TANC2: variants seen among roughly 807,000 people sequenced by gnomAD.
The protein encoded by TANC2 is tetratricopeptide repeat, ankyrin repeat and coiled-coil containing 2.
Under a neutral mutation model 210.5 loss-of-function variants are expected in TANC2, and 26 were observed. That is an observed-to-expected ratio of 0.12 (90% CI 0.09 to 0.17). TANC2 has a LOEUF of 0.17. TANC2 is among the 10% of genes least tolerant of loss of function. The pLI is 1.00. For synonymous variants in TANC2, 931 were observed against 967.1 expected, an observed-to-expected ratio of 0.96 and a Z score of 0.69; for missense variants, 2,129 against 2,608.9, an observed-to-expected ratio of 0.82 and a Z score of 4.01.
At position 63,013,535 on chromosome 17, in the gene TANC2, G is replaced by A. The variant is rs372136191; in HGVS notation, c.67+3909G>A. On this transcript the variant is annotated intron_variant, in intron 2 of 27. Coordinates refer to ENST00000689528, the Ensembl canonical transcript of TANC2. Reference sequence around the variant, plus strand: ...CTAGCACTTTGGGAGGCCGAGGCAGGCGGATCACTTGAGGCCAGAAGTTCA... The same window carrying A: ...CTAGCACTTTGGGAGGCCGAGGCAGACGGATCACTTGAGGCCAGAAGTTCA... Among the ~76,000 whole-genome samples the A allele has an allele frequency of 1.3e-4, 20 of 152,196 alleles. No individual in the cohort carries two copies. In the East Asian group the frequency reaches 3.7e-3, roughly 28 times the overall value.
rs576363413 is a variant in TANC2, at chr17:63,149,182, T to C, written c.323-2088T>C. 5 of 152,248 alleles carry C rather than the reference T, an allele frequency of 3.3e-5. No individual in the cohort carries two copies. The South Asian group carries it at 8.3e-4, about 25-fold the overall frequency. The allele number at this position is 152,248 out of a possible 1,614,324, so 9.4% of individuals were successfully genotyped here. A position where few individuals can be genotyped will look rare whatever the true frequency, so the allele number is the denominator to read the frequency against. ...AATAACTCTCTTTGCTGGAGAATTGTGTATTTTAGTAAGAGGTTTTATTTT... is the reference window on the plus strand; with the variant it reads ...AATAACTCTCTTTGCTGGAGAATTGCGTATTTTAGTAAGAGGTTTTATTTT... On this transcript the variant is annotated intron_variant, in intron 4 of 27. Transcript: ENST00000689528.
rs1308781292 is a variant in TANC2 at position 63,421,151 on chromosome 17, A to G, written c.5421A>G (p.Ala1807=). The change falls in exon 28 of 28, where the codon GCA becomes GCG. Residue 1807 remains alanine (A), a synonymous_variant. Transcript: ENST00000689528. The surrounding 1 kb of genome is among the most constrained non-coding windows in gnomAD (Gnocchi z 6.9). ...CACAGATCGGACGCAGCCAGTCAGC[A>G]TCCTATTACCCAGTCTGTCACTCAA... 1 of 1,613,930 alleles carries G rather than the reference A, an allele frequency of 6.2e-7. No homozygotes were observed. Among genetic ancestry groups the G allele is most frequent in the Admixed American group, 1.7e-5 (1 of 60,018 alleles).
chr17:63,128,781 T>G (rs1019831751), intron 4 of TANC2, among the ~76,000 whole-genome samples: 3 of 152,188 alleles, frequency 2.0e-5, no homozygotes, highest in Admixed American at 6.5e-5. Context: ...CAAATTATTC[T>G]CAGGAGAATT....
At chr17:63,123,254 A>G (rs2038554265) in intron 4 of TANC2, among the ~76,000 whole-genome samples, 1 of 152,118 alleles carries the variant, frequency 6.6e-6, no homozygotes, top group Non-Finnish European at 1.5e-5. Flanking sequence ...GGGTGGTAGG[A>G]CGATATAAGA....
At chr17:63,041,840 CTT>C (rs1190115585) in intron 2 of TANC2, among the ~76,000 whole-genome samples, 1 of 152,164 alleles carries the variant, frequency 6.6e-6, no homozygotes, top group African/African-American at 2.4e-5. Flanking sequence ...CATAGTAACT[CTT>C]TGGTCCCACC....
intron 14 of TANC2, among the ~76,000 whole-genome samples, chr17:63,377,893 G>A (rs2047476509): frequency 6.6e-6 from 1 of 152,202 alleles, no homozygotes; most frequent in Non-Finnish European, 1.5e-5. Flanking sequence ...GGCAGCAGGA[G>A]AGAGAATGAG....
chr17:63,185,377 G>C (rs1210928666), intron 5 of TANC2, among the ~76,000 whole-genome samples: 7 of 152,178 alleles, frequency 4.6e-5, no homozygotes, highest in Admixed American at 4.6e-4. Context: ...ACAGGCGTGA[G>C]CCACTGCACT....
chr17:62,988,456 C>G (rs2032690148), intron 1 of TANC2, among the ~76,000 whole-genome samples: 1 of 152,080 alleles, frequency 6.6e-6, no homozygotes, highest in African/African-American at 2.4e-5. Flanking sequence ...GTTTCTTGCT[C>G]TAATTACGTT....
In TANC2 at chr17:63,418,961, G is replaced by A. The variant is rs2048945965; in HGVS notation, c.4268+554G>A. On this transcript the variant is annotated intron_variant, in intron 27 of 27. Coordinates refer to ENST00000689528, the Ensembl canonical transcript of TANC2. The surrounding 1 kb of genome is among the most constrained non-coding windows in gnomAD (Gnocchi z 4.6). ...GTCAAGAGGTCCTTGCTGCCAGGAT[G>A]GAGAGGACCCTCTAAGAGAACACCA... is the stretch of plus-strand genomic sequence containing the variant. Among the ~76,000 whole-genome samples the A allele has an allele frequency of 6.6e-6, 1 of 152,154 alleles. No homozygotes were observed. The highest frequency in any genetic ancestry group is 2.1e-4 in the South Asian group (1 of 4,826).
chr17:63,372,395 G>A (rs893058648), intron 14 of TANC2, among the ~76,000 whole-genome samples: 4 of 152,132 alleles, frequency 2.6e-5, no homozygotes, highest in African/African-American at 9.7e-5. Flanking sequence ...TCAGGGTTAA[G>A]GACAGGGTAT....
At position 63,009,642 on chromosome 17, in the gene TANC2, A is replaced by G. The variant is rs779410584; in HGVS notation, c.67+16A>G. 2 of 1,607,112 alleles carry G rather than the reference A, an allele frequency of 1.2e-6. No homozygotes were observed. The highest frequency in any genetic ancestry group is 2.2e-5 in the East Asian group (1 of 44,730). ...AGGTCAAGTGGTAAGTGACTATGCTACATTTATTGTGCGTGATATTTTACA... is the reference window on the plus strand; with the variant it reads ...AGGTCAAGTGGTAAGTGACTATGCTGCATTTATTGTGCGTGATATTTTACA... On this transcript the variant is annotated intron_variant, in intron 2 of 27. Transcript: ENST00000689528.
At chr17:63,084,112 T>C (rs2036874156) in intron 3 of TANC2, among the ~76,000 whole-genome samples, 1 of 152,210 alleles carries the variant, frequency 6.6e-6, no homozygotes, top group Non-Finnish European at 1.5e-5. Flanking sequence ...CATCTGGGCC[T>C]GGTGCTTTCT....
At chr17:63,195,790 A>G (rs553085124) in intron 6 of TANC2, among the ~76,000 whole-genome samples, 1 of 152,194 alleles carries the variant, frequency 6.6e-6, no homozygotes, top group East Asian at 1.9e-4. Context: ...CTTCTACTGT[A>G]TTCCCATCAT....
At position 63,189,812 on chromosome 17, in the gene TANC2, T is replaced by G. The variant is rs769976010; in HGVS notation, c.434-4179T>G. 6.6e-5 allele frequency among the ~76,000 whole-genome samples: 10 copies of G among 152,362 alleles called. 1 individual carries two copies. Among genetic ancestry groups the G allele is most frequent in the Admixed American group, 4.6e-4 (7 of 15,302 alleles). ...TGTCACTTGTGCTTTTAGTGTCATA[T>G]CTAAGAAATCATTGCCTAACCAAAG... On this transcript the variant is annotated intron_variant, in intron 5 of 27. Transcript: ENST00000689528.
chr17:63,263,679 G>A (rs1223587917), intron 8 of TANC2, among the ~76,000 whole-genome samples: 1 of 152,162 alleles, frequency 6.6e-6, no homozygotes, highest in African/African-American at 2.4e-5. Context: ...TGTAGATGCA[G>A]TACAAAAGAA....
rs544824359 is a variant in TANC2, at chr17:63,233,196, A to G, written c.770-4618A>G. Among the ~76,000 whole-genome samples the G allele has an allele frequency of 2.6e-5, 4 of 152,284 alleles. No homozygotes were observed. The East Asian group carries it at 7.7e-4, about 29-fold the overall frequency. On this transcript the variant is annotated intron_variant, in intron 7 of 27. Coordinates refer to ENST00000689528, the Ensembl canonical transcript of TANC2. ...GTCATCTTAGGTAGGAGGCAGCCAC[A>G]GTCATGATGGCCACCCCTCCCCCTG...
At chr17:63,250,314 G>T (rs866375762) in intron 8 of TANC2, among the ~76,000 whole-genome samples, 7 of 147,028 alleles carry the variant, frequency 4.8e-5, no homozygotes, top group African/African-American at 1.6e-4. Flanking sequence ...ATTTATGAAT[G>T]AATGAATGAG....
intron 2 of TANC2, among the ~76,000 whole-genome samples, chr17:63,070,572 C>T (rs1486152787): frequency 6.6e-6 from 1 of 152,156 alleles, no homozygotes; most frequent in Admixed American, 6.6e-5. Context: ...ATCTCCCTGC[C>T]TTTAGATCAG....
intron 7 of TANC2, among the ~76,000 whole-genome samples, chr17:63,207,360 CA>C (rs966587749): frequency 6.6e-6 from 1 of 151,678 alleles, no homozygotes; most frequent in African/African-American, 2.4e-5. Flanking sequence ...GGACTACAGG[CA>C]CCCGCCACCA....
Sources: gnomAD v4.1 joint callset for allele counts (sites outside exome capture counted in the v4.1 genomes callset) on GRCh38, gnomAD v4.1.1 for gene constraint, Gnocchi (gnomAD v3.1) non-coding constraint, MANE v1.5 for transcripts, NCBI Gene and HGNC (gene_info 2026-07-23, HGNC 2026-07-21) for gene names.